The following KCNMA1 variants were observed in gnomAD, a reference collection of about 807,000 sequenced individuals.
The protein encoded by KCNMA1 is potassium calcium-activated channel subfamily M alpha 1.
In KCNMA1, 29 loss-of-function variants were observed where a neutral mutation model predicts 140.0. The observed-to-expected ratio is 0.21, with a 90% CI of 0.15 to 0.28. The LOEUF (loss-of-function observed/expected upper bound fraction) is 0.28. KCNMA1 is among the 10% of genes least tolerant of loss of function. The probability of loss-of-function intolerance (pLI) is 1.00; values close to 1 mark genes in which losing one functional copy is unlikely to be tolerated. For missense variants in KCNMA1, 880 were observed against 1,602.2 expected (o/e 0.55, Z 7.70); for synonymous variants, 612 against 611.9 (o/e 1.00, Z 0.00).
rs1242951772 is a variant in KCNMA1, at chr10:76,919,315, A to T, written c.2903-4266T>A. 2.0e-5 allele frequency among the ~76,000 whole-genome samples: 3 copies of T among 152,296 alleles called. No individual in the cohort carries two copies. In the East Asian group the frequency reaches 5.8e-4, roughly 29 times the overall value. ...ACCCCAATACCCCAATAACTTCTGGAAACAATAAAAATAAAATAAATAACT... is the reference window on the plus strand; with the variant it reads ...ACCCCAATACCCCAATAACTTCTGGTAACAATAAAAATAAAATAAATAACT... On this transcript the variant is annotated intron_variant, in intron 23 of 27. Coordinates refer to ENST00000286628, the MANE Select transcript of KCNMA1 (RefSeq NM_001161352.2).
At chr10:76,903,124 A>T (rs1346248035) in intron 25 of KCNMA1, 1 of 152,396 alleles carries the variant, frequency 6.6e-6, no homozygotes, top group African/African-American at 2.4e-5. Context: ...CCACAGCGCC[A>T]TCTAGCCCGC....
At chr10:77,615,138 T>C (rs1740574527) in intron 1 of KCNMA1, among the ~76,000 whole-genome samples, 1 of 152,168 alleles carries the variant, frequency 6.6e-6, no homozygotes, top group African/African-American at 2.4e-5. Flanking sequence ...CACAGGTTCC[T>C]AAATAGGGGA....
intron 13 of KCNMA1, among the ~76,000 whole-genome samples, chr10:77,077,317 C>T (rs934588548): frequency 2.0e-5 from 3 of 152,210 alleles, no homozygotes; most frequent in African/African-American, 7.2e-5. Context: ...CTGCCCAACC[C>T]CAAAACTCGA....
chr10:77,227,564 G>A (rs927028338), intron 3 of KCNMA1, among the ~76,000 whole-genome samples: 2 of 152,142 alleles, frequency 1.3e-5, no homozygotes, highest in Non-Finnish European at 2.9e-5. Context: ...TAAATCACCA[G>A]GTTTAGCACA....
chr10:77,123,179 CAAAAAAAAAAAAAAAAAAA>C lies in KCNMA1; in HGVS notation c.809-2150_809-2132del, dbSNP rs61374890. On this transcript the variant is annotated intron_variant, in intron 5 of 27. Coordinates refer to ENST00000286628, the MANE Select transcript of KCNMA1 (RefSeq NM_001161352.2). ...TGGGCGACAGAGCGAGACTCCGTCTCAAAAAAAAAAAAAAAAAAAAAAAAAAAAAAAAAAAAGTGTTAAA... is the reference window on the plus strand; with the variant it reads ...TGGGCGACAGAGCGAGACTCCGTCTCAAAAAAAAAAAAAAAAAGTGTTAAA... Among the ~76,000 whole-genome samples the C allele has an allele frequency of 1.5e-3, 90 of 59,654 alleles. 3 individuals are homozygous for C. Among genetic ancestry groups the C allele is most frequent in the Admixed American group, 3.7e-3 (17 of 4,594 alleles). 39.1% of individuals were successfully genotyped at this position (59,654 alleles called of 152,430 possible).
chr10:76,971,967 G>C (rs892035247), intron 19 of KCNMA1, among the ~76,000 whole-genome samples: 6 of 135,114 alleles, frequency 4.4e-5, no homozygotes, highest in African/African-American at 1.8e-4. Context: ...GGCAGCGAGG[G>C]TGTGTGGGTG....
chr10:77,485,295 A>T (rs1372555399), intron 1 of KCNMA1, among the ~76,000 whole-genome samples: 1 of 152,276 alleles, frequency 6.6e-6, no homozygotes, highest in Non-Finnish European at 1.5e-5. Context: ...AAATAGAAAT[A>T]GATGTCTTAA....
intron 2 of KCNMA1, among the ~76,000 whole-genome samples, chr10:77,344,946 G>A (rs1566119938): frequency 6.6e-6 from 1 of 152,050 alleles, no homozygotes; most frequent in Non-Finnish European, 1.5e-5. Context: ...TAACAATCAT[G>A]TGTTAGTCTT....
Position 77,285,535 on chromosome 10 carries a change from GC to G in KCNMA1, c.541-34280del, listed in dbSNP as rs369930643. Among the ~76,000 whole-genome samples the G allele has an allele frequency of 2.8e-4, 43 of 152,288 alleles. 1 individual carries two copies. In the South Asian group the frequency reaches 8.7e-3, roughly 31 times the overall value. On this transcript the variant is annotated intron_variant, in intron 2 of 27. Coordinates refer to ENST00000286628, the MANE Select transcript of KCNMA1 (RefSeq NM_001161352.2). ...AAAATTAAGATGTTACATAGGGATG[GC>G]ATATGGGACTCATTAAGTTTAGGAT...
intron 3 of KCNMA1, among the ~76,000 whole-genome samples, chr10:77,230,361 G>A (rs1227052707): frequency 6.6e-6 from 1 of 152,232 alleles, no homozygotes; most frequent in African/African-American, 2.4e-5. Context: ...TGACTAAATA[G>A]AAGTGATGGT....
intron 1 of KCNMA1, among the ~76,000 whole-genome samples, chr10:77,626,473 C>A (rs2092539554): frequency 6.6e-6 from 1 of 152,158 alleles, no homozygotes; most frequent in Admixed American, 6.5e-5. Context: ...AAATCCCTAG[C>A]ACTTGGGTAA....
intron 19 of KCNMA1, among the ~76,000 whole-genome samples, chr10:76,971,899 T>C (rs2076180307): frequency 6.6e-6 from 1 of 152,190 alleles, no homozygotes; most frequent in African/African-American, 2.4e-5. Flanking sequence ...TTGACCTGAA[T>C]TCATCTTCCT....
At chr10:77,401,381 T>A (rs2096261068) in intron 2 of KCNMA1, among the ~76,000 whole-genome samples, 1 of 152,106 alleles carries the variant, frequency 6.6e-6, no homozygotes. Context: ...GGTCTCGATC[T>A]CCGGACCTCG....
chr10:77,058,478 G>A (rs1389268879), intron 14 of KCNMA1, among the ~76,000 whole-genome samples: 1 of 151,950 alleles, frequency 6.6e-6, no homozygotes, highest in Non-Finnish European at 1.5e-5. Context: ...AAGCTCACCT[G>A]GAACATTCAC....
intron 20 of KCNMA1, among the ~76,000 whole-genome samples, chr10:76,956,042 A>G (rs1035014103): frequency 6.6e-5 from 10 of 152,170 alleles, no homozygotes; most frequent in Admixed American, 5.2e-4. Context: ...TGTTCCCATA[A>G]TATCAGCAAG....
chr10:77,534,274 A>G (rs773812384), intron 1 of KCNMA1, among the ~76,000 whole-genome samples: 5 of 152,250 alleles, frequency 3.3e-5, no homozygotes. Flanking sequence ...TGGTGCAGCC[A>G]TACCAAGTAG....
intron 3 of KCNMA1, among the ~76,000 whole-genome samples, chr10:77,217,754 G>A (rs2048278922): frequency 6.6e-6 from 1 of 152,152 alleles, no homozygotes; most frequent in African/African-American, 2.4e-5. Flanking sequence ...CAAAAGCATT[G>A]TGATGGAAAC....
intron 20 of KCNMA1, among the ~76,000 whole-genome samples, chr10:76,964,189 C>A (rs563117662): frequency 1.1e-4 from 17 of 152,014 alleles, no homozygotes; most frequent in African/African-American, 4.1e-4. Context: ...CCTGGAGCCA[C>A]ACTGACAAAA....
At chr10:77,421,937 T>C (rs1311298916) in intron 1 of KCNMA1, among the ~76,000 whole-genome samples, 1 of 152,368 alleles carries the variant, frequency 6.6e-6, no homozygotes, top group East Asian at 1.9e-4. Context: ...ACCAGTCTGA[T>C]GGGAAACTCC....
Sources: allele counts gnomAD v4.1 joint callset (sites outside exome capture counted in the v4.1 genomes callset), GRCh38; gene constraint gnomAD v4.1.1; transcripts MANE v1.5; gene names NCBI Gene and HGNC (gene_info 2026-07-23, HGNC 2026-07-21).